The following PGCKA1 variants were observed in gnomAD, a reference collection of about 807,000 sequenced individuals.
The protein encoded by PGCKA1 is PDCD10 and GCKIII kinases associated 1, also known as PDCD10 and GCKIII kinases-associated protein 1.
At chr4:37,581,609 T>C in the PGCKA1 span, among the ~76,000 whole-genome samples, 1 of 152,136 alleles carries the variant, frequency 6.6e-6, no homozygotes, top group African/African-American at 2.4e-5. This position sits in a 1 kb window ranked among gnomAD's most constrained non-coding sequence, Gnocchi z 4.4. Flanking sequence ...TGAGCTGGTA[T>C]CCTATGGTGT....
chr4:37,528,798 A>G, the PGCKA1 span, among the ~76,000 whole-genome samples: 5 of 152,198 alleles, frequency 3.3e-5, no homozygotes, highest in Non-Finnish European at 7.3e-5. Flanking sequence ...TTCACATACA[A>G]TTGTATAGCA....
the PGCKA1 span, among the ~76,000 whole-genome samples, chr4:37,470,079 T>A: frequency 1.3e-5 from 2 of 152,188 alleles, no homozygotes; most frequent in Non-Finnish European, 2.9e-5. Flanking sequence ...TCTCCCAAAT[T>A]AAAACTGCCA....
chr4:37,546,263 A>T, the PGCKA1 span, among the ~76,000 whole-genome samples: 3 of 152,214 alleles, frequency 2.0e-5, no homozygotes, highest in Non-Finnish European at 4.4e-5. Flanking sequence ...AAAAAAAACA[A>T]GGAAGTGAAA....
chr4:37,479,610 G>A, the PGCKA1 span, among the ~76,000 whole-genome samples: 7 of 152,320 alleles, frequency 4.6e-5, no homozygotes, highest in South Asian at 2.1e-4. Flanking sequence ...GGCAGTGGGC[G>A]CTAACCAGGC....
chr4:37,504,466 A>G, the PGCKA1 span, among the ~76,000 whole-genome samples: 1 of 152,144 alleles, frequency 6.6e-6, no homozygotes, highest in African/African-American at 2.4e-5. Context: ...TCTGTGAAGA[A>G]TATCATAGGT....
the PGCKA1 span, among the ~76,000 whole-genome samples, chr4:37,571,355 CTTTTTTTT>C: frequency 1.3e-5 from 1 of 78,036 alleles, no homozygotes; most frequent in Non-Finnish European, 2.2e-5. Context: ...GACTATTATC[CTTTTTTTT>C]TTTTTTTTTT....
chr4:37,536,055 T>C, the PGCKA1 span, among the ~76,000 whole-genome samples: 1 of 152,224 alleles, frequency 6.6e-6, no homozygotes, highest in South Asian at 2.1e-4. Flanking sequence ...ATTCCATTAA[T>C]AGGCACTGAA....
chr4:37,481,302 A>C, the PGCKA1 span, among the ~76,000 whole-genome samples: 2 of 151,810 alleles, frequency 1.3e-5, no homozygotes, highest in Non-Finnish European at 2.9e-5. Context: ...TCTACTAAAA[A>C]AAAAATACAA....
the PGCKA1 span, among the ~76,000 whole-genome samples, chr4:37,461,899 G>C: frequency 4.6e-5 from 7 of 152,002 alleles, no homozygotes; most frequent in African/African-American, 1.7e-4. Flanking sequence ...CATGGGACTC[G>C]ATGCCAGATC....
At chr4:37,571,076 T>TCTA in the PGCKA1 span, among the ~76,000 whole-genome samples, 1 of 152,288 alleles carries the variant, frequency 6.6e-6, no homozygotes, top group East Asian at 1.9e-4. Context: ...AAGAATGAAG[T>TCTA]GCCCCATACA....
chr4:37,487,457 A>T, the PGCKA1 span, among the ~76,000 whole-genome samples: 6 of 152,202 alleles, frequency 3.9e-5, no homozygotes, highest in Admixed American at 1.3e-4. Flanking sequence ...CATTGCATTA[A>T]CTGTAAGTTT....
At chr4:37,510,542 A>G in the PGCKA1 span, among the ~76,000 whole-genome samples, 1 of 152,010 alleles carries the variant, frequency 6.6e-6, no homozygotes, top group Non-Finnish European at 1.5e-5. Context: ...TCTCTCCCCT[A>G]CTTTCTCCCA....
At chr4:37,494,998 A>G in the PGCKA1 span, among the ~76,000 whole-genome samples, 1 of 152,096 alleles carries the variant, frequency 6.6e-6, no homozygotes, top group Non-Finnish European at 1.5e-5. Flanking sequence ...ACAAAGGGCT[A>G]ATATCCAGAA....
the PGCKA1 span, among the ~76,000 whole-genome samples, chr4:37,457,101 T>C: frequency 5.9e-5 from 9 of 152,234 alleles, no homozygotes; most frequent in Admixed American, 3.9e-4. Context: ...TTCTGATAAA[T>C]AGCCAATTAT....
the PGCKA1 span, among the ~76,000 whole-genome samples, chr4:37,576,335 G>C: frequency 6.6e-6 from 1 of 151,796 alleles, no homozygotes; most frequent in East Asian, 1.9e-4. Flanking sequence ...AATTTTATTT[G>C]TATCTATTAG....
chr4:37,572,063 CTTTTTT>C, the PGCKA1 span, among the ~76,000 whole-genome samples: 6 of 89,994 alleles, frequency 6.7e-5, no homozygotes, highest in African/African-American at 2.9e-4. Flanking sequence ...TTTTTTTTTT[CTTTTTT>C]TTTTTTTTTT....
the PGCKA1 span, among the ~76,000 whole-genome samples, chr4:37,535,102 G>A: frequency 2.0e-5 from 3 of 152,182 alleles, no homozygotes; most frequent in African/African-American, 7.2e-5. Context: ...GTACTTTCCG[G>A]AAGAGGCCAA....
the PGCKA1 span, among the ~76,000 whole-genome samples, chr4:37,509,488 C>T: frequency 6.7e-6 from 1 of 148,290 alleles, no homozygotes; most frequent in African/African-American, 2.5e-5. Flanking sequence ...GGATGGCAGC[C>T]GGGAAGAGGC....
At chr4:37,547,624 C>A in the PGCKA1 span, among the ~76,000 whole-genome samples, 8 of 152,060 alleles carry the variant, frequency 5.3e-5, no homozygotes, top group Non-Finnish European at 1.2e-4. Context: ...AAGGTATGAC[C>A]CAAGGTAACC....
Sources: gnomAD v4.1 joint callset for allele counts (sites outside exome capture counted in the v4.1 genomes callset) on GRCh38, gnomAD v4.1.1 for gene constraint, Gnocchi (gnomAD v3.1) non-coding constraint, MANE v1.5 for transcripts, NCBI Gene and HGNC (gene_info 2026-07-23, HGNC 2026-07-21) for gene names.